KCTD7: variants seen among roughly 807,000 people sequenced by gnomAD.
The protein encoded by KCTD7 is potassium channel tetramerization domain containing 7, also known as BTB/POZ domain-containing protein KCTD7.
A neutral mutation model predicts 27.0 loss-of-function variants in KCTD7; 15 were observed. The ratio of observed to expected loss-of-function variants is 0.56; its 90% CI spans 0.37 to 0.86. KCTD7 has a LOEUF of 0.86. Among genes scored for constraint, KCTD7 ranks in the 40% least tolerant of loss-of-function variants. KCTD7 has a pLI of 0.00. For missense variants in KCTD7, 299 were observed against 398.9 expected (o/e 0.75, Z 2.13); for synonymous variants, 159 against 162.7 (o/e 0.98, Z 0.17).
At chr7:66,633,468 A>C in intron 2 of KCTD7, 24 bp downstream of exon 2, 1 of 1,611,236 alleles carries the variant, frequency 6.2e-7, no homozygotes, top group Non-Finnish European at 8.5e-7. Context: ...TCTACAATCA[A>C]CTTTGTAGTC....
At position 66,640,282 on chromosome 7, in the gene KCTD7, A is replaced by G; in HGVS notation, c.*1050A>G. 1 of 1,515,758 alleles carries G rather than the reference A, an allele frequency of 6.6e-7. No homozygotes were observed. The highest frequency in any genetic ancestry group is 8.8e-7 in the Non-Finnish European group (1 of 1,136,356). 93.9% of individuals were successfully genotyped at this position (1,515,758 alleles called of 1,614,324 possible). ...ATCCTAGGAGCCGTAGGAAGACAAAACTTCCCTTTTGTTTTACTCCTCACT... is the reference window on the plus strand; with the variant it reads ...ATCCTAGGAGCCGTAGGAAGACAAAGCTTCCCTTTTGTTTTACTCCTCACT... On this transcript the variant is annotated 3_prime_UTR_variant, in exon 4 of 4. Transcript: ENST00000639828.
chr7:66,634,208 A>G (rs1311770781), intron 2 of KCTD7, among the ~76,000 whole-genome samples: 4 of 147,176 alleles, frequency 2.7e-5, no homozygotes, highest in Non-Finnish European at 4.5e-5. Flanking sequence ...CTATCTATCT[A>G]TCTATCTATC....
chr7:66,637,832 TG>T (rs1427456360), intron 2 of KCTD7, among the ~76,000 whole-genome samples: 1 of 152,118 alleles, frequency 6.6e-6, no homozygotes, highest in African/African-American at 2.4e-5. Flanking sequence ...AAAAAACAAC[TG>T]AACTGTACAG....
Position 66,636,927 on chromosome 7 carries a change from A to G in KCTD7, c.315-1326A>G, listed in dbSNP as rs188287051. Among the ~76,000 whole-genome samples, 8 of 152,340 alleles carry G rather than the reference A, an allele frequency of 5.3e-5. No individual in the cohort carries two copies. In the East Asian group the frequency reaches 1.3e-3, roughly 26 times the overall value. ...CTGCTCTGCATAGCTACAGAATAAT[A>G]CTAGTGGCAAGGATGGGGAACACCT... On this transcript the variant is annotated intron_variant, in intron 2 of 3. Transcript: ENST00000639828.
At chr7:66,631,568 CAAAAA>C (rs147951741) in intron 1 of KCTD7, among the ~76,000 whole-genome samples, 1 of 100,234 alleles carries the variant, frequency 1.0e-5, no homozygotes. Context: ...GATTCCGTCT[CAAAAA>C]AAAAAAAAAA....
rs927709940 is a variant in KCTD7, at chr7:66,639,169, G to T, written c.807G>T (p.Lys269Asn). The change falls in exon 4 of 4, where the codon AAG becomes AAT. Residue 269 changes from lysine (K) to asparagine (N), a missense_variant. By Grantham distance (94) the Lys-to-Asn change is moderately conservative. Coordinates refer to ENST00000639828, the MANE Select transcript of KCTD7 (RefSeq NM_153033.5). ...VDHQCIGVCD[K>N]HLVNHYYCKR... ...ACCAGTGCATCGGGGTGTGTGACAA[G>T]CACCTCGTGAACCACTACTACTGCA... The T allele has an allele frequency of 2.0e-5, 32 of 1,614,082 alleles. No individual in the cohort carries two copies. The highest frequency in any genetic ancestry group is 2.6e-5 in the Non-Finnish European group (31 of 1,180,044).
Position 66,641,061 on chromosome 7 carries a change from T to G in KCTD7, c.*1829T>G. 1 of 985,422 alleles carries G rather than the reference T, an allele frequency of 1.0e-6. No individual in the cohort carries two copies. Among genetic ancestry groups the G allele is most frequent in the Non-Finnish European group, 1.2e-6 (1 of 829,948 alleles). 61.0% of individuals were successfully genotyped at this position (985,422 alleles called of 1,614,324 possible). A position where few individuals can be genotyped will look rare whatever the true frequency, so the allele number is the denominator to read the frequency against. ...CCAGGGCGTGGTTTTGCACTCCTGT[T>G]GTACTCTTTTAGAGGTGGAAAAGAG... On this transcript the variant is annotated 3_prime_UTR_variant, in exon 4 of 4. Transcript: ENST00000639828.
intron 2 of KCTD7, among the ~76,000 whole-genome samples, chr7:66,636,134 C>T (rs538745326): frequency 1.6e-4 from 24 of 152,390 alleles, no homozygotes; most frequent in African/African-American, 3.6e-4. Context: ...ATAAAATAGG[C>T]GGTTCAGGGC....
rs771944011 is a variant in KCTD7, at chr7:66,629,137, G to A, written c.73G>A (p.Asp25Asn). 2.0e-6 allele frequency: 3 copies of A among 1,534,434 alleles called. No homozygotes were observed. The highest frequency in any genetic ancestry group is 4.0e-5 in the Admixed American group (2 of 50,118). Residue 25 changes from aspartate to asparagine, a missense_variant, in exon 1 of 4, where the codon GAC (aspartate) becomes AAC (asparagine). Asp to Asn is a conservative substitution (Grantham distance 23). Coordinates refer to ENST00000639828, the MANE Select transcript of KCTD7 (RefSeq NM_153033.5). ...TGCCATGTCCAGCTCTGACGCCGAAGACGACTTTCTGGAGCCGGCCACGCC... is the reference window on the plus strand; with the variant it reads ...TGCCATGTCCAGCTCTGACGCCGAAAACGACTTTCTGGAGCCGGCCACGCC... ...DGAMSSSDAE[D>N]DFLEPATPTA... is the part of the protein sequence containing the mutation.
chr7:66,634,113 CATATATATATATATATATATATATGT>C (rs1786520609), intron 2 of KCTD7, among the ~76,000 whole-genome samples: 1 of 132,260 alleles, frequency 7.6e-6, no homozygotes, highest in South Asian at 2.3e-4. Flanking sequence ...TGTGTGTATA[CATATATATATATATATATATATATGT>C]ATATATATGA....
In KCTD7 at chr7:66,641,046, G is replaced by T. The variant is rs1337267519; in HGVS notation, c.*1814G>T. On this transcript the variant is annotated 3_prime_UTR_variant, in exon 4 of 4. Transcript: ENST00000639828. Reference sequence around the variant, plus strand: ...GTGTAAACAAAGATTCCAGGGCGTGGTTTTGCACTCCTGTTGTACTCTTTT... The same window carrying T: ...GTGTAAACAAAGATTCCAGGGCGTGTTTTTGCACTCCTGTTGTACTCTTTT... 3 of 985,278 alleles carry T rather than the reference G, an allele frequency of 3.0e-6. No individual in the cohort carries two copies. The highest frequency in any genetic ancestry group is 9.4e-5 in the South Asian group (2 of 21,292). 61.0% of individuals were successfully genotyped at this position (985,278 alleles called of 1,614,324 possible). A position where few individuals can be genotyped will look rare whatever the true frequency, so the allele number is the denominator to read the frequency against.
intron 1 of KCTD7, among the ~76,000 whole-genome samples, chr7:66,631,506 TTG>T (rs1786440944): frequency 2.0e-5 from 3 of 151,138 alleles, no homozygotes; most frequent in Non-Finnish European, 3.0e-5. Flanking sequence ...GAGGCAGAGG[TTG>T]CAGTGAACCG....
chr7:66,640,633 C>T lies in KCTD7; in HGVS notation c.*1401C>T, dbSNP rs570909928. 2.2e-4 allele frequency: 294 copies of T among 1,366,180 alleles called. No homozygotes were observed. The African/African-American group carries it at 3.7e-3, about 17-fold the overall frequency. 84.6% of individuals were successfully genotyped at this position (1,366,180 alleles called of 1,614,324 possible). ...TTTTTTAATGTGTAAAGAATTGATGCGAGCCAGGAACATGTCTGTAGTCCC... is the reference window on the plus strand; with the variant it reads ...TTTTTTAATGTGTAAAGAATTGATGTGAGCCAGGAACATGTCTGTAGTCCC... On this transcript the variant is annotated 3_prime_UTR_variant, in exon 4 of 4. Transcript: ENST00000639828.
Position 66,640,913 on chromosome 7 carries a change from A to G in KCTD7, c.*1681A>G, listed in dbSNP as rs1391853416. On this transcript the variant is annotated 3_prime_UTR_variant, in exon 4 of 4. Transcript: ENST00000639828. ...ACAGGACCAGATAGACAAGATGGGT[A>G]TAAGGGGAGCTGAAGTCTGTGTTCA... is the stretch of plus-strand genomic sequence containing the variant. 4.1e-6 allele frequency: 4 copies of G among 985,690 alleles called. No homozygotes were observed. In the East Asian group the frequency reaches 3.4e-4, roughly 84 times the overall value. 61.1% of individuals were successfully genotyped at this position (985,690 alleles called of 1,614,324 possible). A position where few individuals can be genotyped will look rare whatever the true frequency, so the allele number is the denominator to read the frequency against.
chr7:66,634,374 T>A (rs1159253134), intron 2 of KCTD7, among the ~76,000 whole-genome samples: 1 of 151,906 alleles, frequency 6.6e-6, no homozygotes, highest in African/African-American at 2.4e-5. Context: ...CGGGGGCTGT[T>A]TTTTTGGAGA....
chr7:66,643,162 C>T (rs567235465), downstream of KCTD7: 1 of 943,112 alleles, frequency 1.1e-6, no homozygotes, highest in African/African-American at 2.6e-5. Flanking sequence ...TGGGGATGCC[C>T]CACACAACAA....
chr7:66,641,036 C>G lies in KCTD7; in HGVS notation c.*1804C>G, dbSNP rs1786702775. The stretch of plus-strand genomic sequence containing the variant: ...TGTTCCCTATGTGTAAACAAAGATT[C>G]CAGGGCGTGGTTTTGCACTCCTGTT... On this transcript the variant is annotated 3_prime_UTR_variant, in exon 4 of 4. Coordinates refer to ENST00000639828, the MANE Select transcript of KCTD7 (RefSeq NM_153033.5). 1.0e-6 allele frequency: 1 copy of G among 985,320 alleles called. No individual in the cohort carries two copies. Among genetic ancestry groups the G allele is most frequent in the African/African-American group, 1.7e-5 (1 of 57,306 alleles). The allele number at this position is 985,320 out of a possible 1,614,324, so 61.0% of individuals were successfully genotyped here.
chr7:66,640,885 C>T lies in KCTD7; in HGVS notation c.*1653C>T. Reference sequence around the variant, plus strand: ...GGAGGACAGCCTCACTGGTATCAGACTTACAGGACCAGATAGACAAGATGG... The same window carrying T: ...GGAGGACAGCCTCACTGGTATCAGATTTACAGGACCAGATAGACAAGATGG... On this transcript the variant is annotated 3_prime_UTR_variant, in exon 4 of 4. Transcript: ENST00000639828. 1 of 986,678 alleles carries T rather than the reference C, an allele frequency of 1.0e-6. No homozygotes were observed. Among genetic ancestry groups the T allele is most frequent in the Non-Finnish European group, 1.2e-6 (1 of 830,820 alleles). 61.1% of individuals were successfully genotyped at this position (986,678 alleles called of 1,614,324 possible).
Position 66,641,885 on chromosome 7 carries a change from A to G in KCTD7, c.*2653A>G, listed in dbSNP as rs573688509. ...TTTTCAACTCTAAATGGCCAGGCCC[A>G]GAACAGAAGAAGGGTTGGGTCTGGA... On this transcript the variant is annotated 3_prime_UTR_variant, in exon 4 of 4. Coordinates refer to ENST00000639828, the MANE Select transcript of KCTD7 (RefSeq NM_153033.5). 1.0e-6 allele frequency: 1 copy of G among 985,476 alleles called. No homozygotes were observed. The highest frequency in any genetic ancestry group is 4.7e-5 in the South Asian group (1 of 21,292). The allele number at this position is 985,476 out of a possible 1,614,324, so 61.0% of individuals were successfully genotyped here. A position where few individuals can be genotyped will look rare whatever the true frequency, so the allele number is the denominator to read the frequency against.
Sources: gnomAD v4.1 joint callset for allele counts (sites outside exome capture counted in the v4.1 genomes callset) on GRCh38, gnomAD v4.1.1 for gene constraint, MANE v1.5 for transcripts, NCBI Gene and HGNC (gene_info 2026-07-23, HGNC 2026-07-21) for gene names.